The following SAP130 variants were observed in gnomAD, a reference collection of about 807,000 sequenced individuals.
SAP130 encodes the protein histone deacetylase complex subunit SAP130.
SAP130 carries 16 observed loss-of-function variants against 103.2 expected under a neutral mutation model. The observed-to-expected ratio is 0.16, with a 90% CI of 0.10 to 0.24. The LOEUF is 0.24. Ranked by LOEUF, SAP130 falls within the 10% of genes least tolerant of loss-of-function variation. The pLI, the probability that SAP130 is intolerant of heterozygous loss-of-function variation, is 1.00. For missense variants in SAP130, 990 were observed against 1,359.7 expected (o/e 0.73, Z 4.28); for synonymous variants, 477 against 497.0 (o/e 0.96, Z 0.53).
intron 5 of SAP130, among the ~76,000 whole-genome samples, chr2:128,013,939 T>A (rs1293345382): frequency 6.6e-6 from 1 of 152,144 alleles, no homozygotes; most frequent in African/African-American, 2.4e-5. Flanking sequence ...TTACATAAGT[T>A]AAAAAACTGA....
intron 11 of SAP130, among the ~76,000 whole-genome samples, chr2:127,995,556 G>A (rs898977513): frequency 4.6e-5 from 7 of 152,162 alleles, no homozygotes; most frequent in African/African-American, 1.7e-4. Flanking sequence ...CTTTACGTCA[G>A]AATGCCAGCT....
intron 7 of SAP130, among the ~76,000 whole-genome samples, chr2:128,006,013 C>T (rs938314287): frequency 6.6e-6 from 1 of 151,614 alleles, no homozygotes; most frequent in Admixed American, 6.6e-5. Flanking sequence ...AAAATAAATG[C>T]TATGAAATTT....
At chr2:127,995,594 A>G (rs1325139348) in intron 11 of SAP130, among the ~76,000 whole-genome samples, 1 of 152,144 alleles carries the variant, frequency 6.6e-6, no homozygotes, top group Non-Finnish European at 1.5e-5. Context: ...CGTTAGAAAA[A>G]CTCACTATTT....
chr2:127,977,356 C>G (rs1681538202), intron 15 of SAP130, among the ~76,000 whole-genome samples: 1 of 145,708 alleles, frequency 6.9e-6, no homozygotes, highest in African/African-American at 2.5e-5. Context: ...AAAAAAAAGC[C>G]AGGTGTGGTG....
At chr2:127,999,696 C>T (rs778666392) in intron 10 of SAP130, 45 bp downstream of exon 10, 2 of 1,150,472 alleles carry the variant, frequency 1.7e-6, no homozygotes, top group African/African-American at 1.5e-5. Context: ...TGAGGGGTTA[C>T]AGCACTCCTG....
chr2:127,998,562 T>C (rs1463484181), intron 10 of SAP130, among the ~76,000 whole-genome samples: 2 of 152,206 alleles, frequency 1.3e-5, no homozygotes, highest in Admixed American at 1.3e-4. Flanking sequence ...AGAGATCCTA[T>C]TATAATACAG....
intron 15 of SAP130, among the ~76,000 whole-genome samples, chr2:127,966,501 G>A (rs1201966614): frequency 1.3e-5 from 2 of 151,324 alleles, no homozygotes; most frequent in Non-Finnish European, 2.9e-5. Context: ...TCAGGAGTTC[G>A]AGACAAGCCT....
rs1573879337 is a variant in SAP130, at chr2:128,027,978, C to G, written c.-45G>C. On this transcript the variant is annotated 5_prime_UTR_variant, in exon 1 of 21. Transcript: ENST00000643581. Reference sequence around the variant, plus strand: ...CCAGTGGCCGCCGCGCCGCCTTGAGCTCGCTCCCGCGCGCTCTCCGTCTGT... The same window carrying G: ...CCAGTGGCCGCCGCGCCGCCTTGAGGTCGCTCCCGCGCGCTCTCCGTCTGT... The G allele has an allele frequency of 2.0e-6, 2 of 985,674 alleles. No individual in the cohort carries two copies. The highest frequency in any genetic ancestry group is 1.2e-6 in the Non-Finnish European group (1 of 830,084). 61.1% of individuals were successfully genotyped at this position (985,674 alleles called of 1,614,324 possible).
intron 6 of SAP130, among the ~76,000 whole-genome samples, chr2:128,011,010 G>A (rs1479113297): frequency 6.7e-6 from 1 of 148,710 alleles, no homozygotes; most frequent in Non-Finnish European, 1.5e-5. Context: ...CTGTACAAAT[G>A]TGATTGGAGT....
chr2:127,945,897 C>G (rs951883858), intron 18 of SAP130, among the ~76,000 whole-genome samples: 1 of 152,178 alleles, frequency 6.6e-6, no homozygotes, highest in Non-Finnish European at 1.5e-5. Flanking sequence ...AAGCAATTTG[C>G]CTGCCATGGC....
At chr2:127,967,386 C>A (rs940496289) in intron 15 of SAP130, among the ~76,000 whole-genome samples, 1 of 152,072 alleles carries the variant, frequency 6.6e-6, no homozygotes, top group Non-Finnish European at 1.5e-5. Flanking sequence ...GAGAGGATGA[C>A]AAGAATAGCT....
At chr2:127,977,908 G>A in intron 15 of SAP130, 77 bp downstream of exon 15, 1 of 1,073,678 alleles carries the variant, frequency 9.3e-7, no homozygotes, top group African/African-American at 1.6e-5. Flanking sequence ...ACTATGTCAT[G>A]CAGGAATATT....
chr2:127,967,673 G>A (rs549650456), intron 15 of SAP130, among the ~76,000 whole-genome samples: 13 of 152,202 alleles, frequency 8.5e-5, no homozygotes, highest in Admixed American at 2.6e-4. Flanking sequence ...TGGGATTACA[G>A]GCGTGAGCCA....
intron 11 of SAP130, among the ~76,000 whole-genome samples, chr2:127,994,367 G>C (rs897975555): frequency 2.0e-5 from 3 of 152,140 alleles, no homozygotes; most frequent in African/African-American, 7.2e-5. Context: ...GAGGCAGGCA[G>C]GCTATTTGAG....
chr2:127,968,212 G>C (rs1382258137), intron 15 of SAP130, among the ~76,000 whole-genome samples: 1 of 150,876 alleles, frequency 6.6e-6, no homozygotes, highest in Non-Finnish European at 1.5e-5. Context: ...AGGTTCAAGA[G>C]ATTCTCCTGC....
chr2:127,982,640 G>A (rs1001690932), intron 14 of SAP130, among the ~76,000 whole-genome samples: 1 of 152,162 alleles, frequency 6.6e-6, no homozygotes, highest in Non-Finnish European at 1.5e-5. Flanking sequence ...GTGCGTCTGC[G>A]AGGCTAAGCA....
At chr2:127,949,842 A>AT in intron 18 of SAP130, 27 bp downstream of exon 18, 1 of 1,610,956 alleles carries the variant, frequency 6.2e-7, no homozygotes, top group Non-Finnish European at 8.5e-7. Context: ...TCATGCATTA[A>AT]TATCAAGTGT....
At chr2:127,977,599 G>A (rs1681561391) in intron 15 of SAP130, among the ~76,000 whole-genome samples, 1 of 152,164 alleles carries the variant, frequency 6.6e-6, no homozygotes, top group South Asian at 2.1e-4. Flanking sequence ...TGTTTTAAAA[G>A]TATCATTTTG....
Position 127,953,387 on chromosome 2 carries a change from C to T in SAP130, c.2422+1599G>A, listed in dbSNP as rs776077414. Among the ~76,000 whole-genome samples the T allele has an allele frequency of 3.9e-5, 6 of 152,204 alleles. No individual in the cohort carries two copies. The highest frequency in any genetic ancestry group is 2.1e-4 in the South Asian group (1 of 4,834). On this transcript the variant is annotated intron_variant, in intron 16 of 20. Coordinates refer to ENST00000643581, the MANE Select transcript of SAP130 (RefSeq NM_001330301.2). This position sits in a 1 kb window ranked among gnomAD's most constrained non-coding sequence, Gnocchi z 4.0. ...GCAACAGCCGCTTGACAGGTCTCCCCGATTCCATCCCTGTTCCCAGAGTCT... is the reference window on the plus strand; with the variant it reads ...GCAACAGCCGCTTGACAGGTCTCCCTGATTCCATCCCTGTTCCCAGAGTCT...
Sources: gnomAD v4.1 joint callset for allele counts (sites outside exome capture counted in the v4.1 genomes callset) on GRCh38, gnomAD v4.1.1 for gene constraint, Gnocchi (gnomAD v3.1) non-coding constraint, MANE v1.5 for transcripts, NCBI Gene and HGNC (gene_info 2026-07-23, HGNC 2026-07-21) for gene names.